Variants in CHRM5 observed in about 807,000 individuals in gnomAD.
CHRM5 encodes cholinergic receptor muscarinic 5, also known as muscarinic acetylcholine receptor M5.
CHRM5 carries 18 observed loss-of-function variants against 39.0 expected under a neutral mutation model. The ratio of observed to expected loss-of-function variants is 0.46; its 90% confidence interval spans 0.32 to 0.68. CHRM5 has a LOEUF of 0.68. CHRM5 is among the 30% of genes least tolerant of loss of function. The pLI, the probability that CHRM5 is intolerant of heterozygous loss-of-function variation, is 0.04. For missense variants in CHRM5, 515 were observed against 651.1 expected (o/e 0.79, Z 2.28); for synonymous variants, 241 against 246.3 (o/e 0.98, Z 0.20).
At chr15:34,058,864 T>C (rs2140840322) in intron 2 of CHRM5, among the ~76,000 whole-genome samples, 1 of 152,294 alleles carries the variant, frequency 6.6e-6, no homozygotes, top group East Asian at 1.9e-4. Flanking sequence ...GAAATGTAGG[T>C]ATGTTAGTTC....
In CHRM5 at chr15:34,067,374, G is replaced by A. The variant is rs1210347989; in HGVS notation, c.*3058G>A. 1.3e-5 allele frequency: 2 copies of A among 152,162 alleles called. No individual in the cohort carries two copies. Among genetic ancestry groups the A allele is most frequent in the African/African-American group, 2.4e-5 (1 of 41,426 alleles). The allele number at this position is 152,162 out of a possible 1,614,324, so 9.4% of individuals were successfully genotyped here. ...TCTCCAGTTGTCTACTGTAAATACT[G>A]GAATTACAGCAAAGGATATGGGGAC... is the stretch of plus-strand genomic sequence containing the variant. On this transcript the variant is annotated 3_prime_UTR_variant, in exon 3 of 3. Transcript: ENST00000383263.
intron 1 of CHRM5, among the ~76,000 whole-genome samples, chr15:33,988,447 C>A (rs778359240): frequency 1.0e-3 from 154 of 152,252 alleles, no homozygotes; most frequent in Non-Finnish European, 1.4e-3. Context: ...ATGAAACCTA[C>A]CCTATTAAGT....
intron 1 of CHRM5, among the ~76,000 whole-genome samples, chr15:34,022,836 C>T (rs1286264277): frequency 1.3e-5 from 2 of 152,332 alleles, no homozygotes; most frequent in Non-Finnish European, 2.9e-5. Flanking sequence ...TTTTTGCTAC[C>T]TCTGTACCAC....
At chr15:33,993,328 G>C (rs868778965) in intron 1 of CHRM5, among the ~76,000 whole-genome samples, 1 of 152,182 alleles carries the variant, frequency 6.6e-6, no homozygotes, top group Non-Finnish European at 1.5e-5. Flanking sequence ...AACAGAAAGA[G>C]TTCTACAAAG....
chr15:34,058,555 AACACAC>A (rs3027963), intron 2 of CHRM5, among the ~76,000 whole-genome samples: 2,340 of 143,274 alleles, frequency 0.016, 25 homozygotes, highest in Non-Finnish European at 0.026. Context: ...CTTTAATTCT[AACACAC>A]ACACACACAC....
rs1896494452 is a variant in CHRM5 at position 33,986,804 on chromosome 15, G to A, written c.-408+17654G>A. Among the ~76,000 whole-genome samples, 3 of 151,422 alleles carry A rather than the reference G, an allele frequency of 2.0e-5. No homozygotes were observed. The South Asian group carries it at 6.6e-4, about 33-fold the overall frequency. The stretch of plus-strand genomic sequence containing the variant: ...CCCGAGTAGCTGGGACTACAGGCAC[G>A]TGCCACCATGCCCAGCTAATTGTTT... On this transcript the variant is annotated intron_variant, in intron 1 of 2. Transcript: ENST00000383263.
At chr15:33,991,495 AAAAT>A (rs1426556139) in intron 1 of CHRM5, 2 of 141,330 alleles carry the variant, frequency 1.4e-5, no homozygotes, top group Non-Finnish European at 3.0e-5. Flanking sequence ...CGGACCCACA[AAAAT>A]AAACTTTAAA....
intron 1 of CHRM5, among the ~76,000 whole-genome samples, chr15:34,028,971 G>C (rs890558789): frequency 6.6e-6 from 1 of 152,096 alleles, no homozygotes; most frequent in Non-Finnish European, 1.5e-5. Context: ...TTATATCTTA[G>C]TTATTCATTT....
At chr15:33,983,160 A>G (rs11633066) in intron 1 of CHRM5, among the ~76,000 whole-genome samples, 1,845 of 64,510 alleles carry the variant, frequency 0.029, 45 homozygotes, top group African/African-American at 0.14. Context: ...GTGTGTGTGT[A>G]TGTGTGTGTG....
intron 1 of CHRM5, among the ~76,000 whole-genome samples, chr15:33,993,209 A>C (rs1380996264): frequency 6.6e-6 from 1 of 152,226 alleles, no homozygotes; most frequent in African/African-American, 2.4e-5. Context: ...TTTACGTTTG[A>C]AGGTAAGAGT....
chr15:34,001,074 G>A (rs1175344830), intron 1 of CHRM5, among the ~76,000 whole-genome samples: 1 of 148,530 alleles, frequency 6.7e-6, no homozygotes, highest in Non-Finnish European at 1.5e-5. Flanking sequence ...AGGCTGGAGT[G>A]CAGTGGTACG....
At chr15:33,993,328 G>A (rs868778965) in intron 1 of CHRM5, among the ~76,000 whole-genome samples, 2 of 152,182 alleles carry the variant, frequency 1.3e-5, no homozygotes, top group East Asian at 1.9e-4. Flanking sequence ...AACAGAAAGA[G>A]TTCTACAAAG....
At position 34,058,936 on chromosome 15, in the gene CHRM5, G is replaced by T. The variant is rs896382544; in HGVS notation, c.-75-3707G>T. Reference sequence around the variant, plus strand: ...TTTTGAAACAGAGTCTCACTCTGTCGCCCAGGCTGGAATGCAGTGGCAAGA... The same window carrying T: ...TTTTGAAACAGAGTCTCACTCTGTCTCCCAGGCTGGAATGCAGTGGCAAGA... On this transcript the variant is annotated intron_variant, in intron 2 of 2. Coordinates refer to ENST00000383263, the MANE Select transcript of CHRM5 (RefSeq NM_012125.4). 2.0e-4 allele frequency among the ~76,000 whole-genome samples: 30 copies of T among 151,782 alleles called. 1 individual carries two copies. Among genetic ancestry groups the T allele is most frequent in the Non-Finnish European group, 5.9e-5 (4 of 67,946 alleles).
intron 1 of CHRM5, among the ~76,000 whole-genome samples, chr15:34,014,973 C>G (rs949274163): frequency 1.3e-5 from 2 of 152,082 alleles, no homozygotes; most frequent in African/African-American, 4.8e-5. Context: ...ATTTGAGAAG[C>G]AGGGACCATC....
intron 1 of CHRM5, among the ~76,000 whole-genome samples, chr15:34,014,367 T>TAA (rs1171463772): frequency 0.17 from 2,313 of 13,442 alleles, 481 homozygotes; most frequent in African/African-American, 0.3. Context: ...TCCATCTCAT[T>TAA]AAAAAAAAAA....
chr15:34,058,555 AACAC>A (rs3027963), intron 2 of CHRM5, among the ~76,000 whole-genome samples: 2,502 of 143,268 alleles, frequency 0.017, 54 homozygotes, highest in African/African-American at 0.052. Context: ...CTTTAATTCT[AACAC>A]ACACACACAC....
chr15:34,015,210 G>A (rs909493119), intron 1 of CHRM5, among the ~76,000 whole-genome samples: 7 of 152,128 alleles, frequency 4.6e-5, no homozygotes, highest in African/African-American at 1.7e-4. Flanking sequence ...TAGGCCGGGC[G>A]CAGTGGCTCA....
intron 1 of CHRM5, among the ~76,000 whole-genome samples, chr15:34,033,466 A>G (rs1898959059): frequency 6.6e-6 from 1 of 151,882 alleles, no homozygotes; most frequent in South Asian, 2.1e-4. Flanking sequence ...AGATCGTGCC[A>G]CTGCACTCCA....
At chr15:33,970,991 G>T (rs1895614400) in intron 1 of CHRM5, among the ~76,000 whole-genome samples, 1 of 151,802 alleles carries the variant, frequency 6.6e-6, no homozygotes, top group Admixed American at 6.6e-5. Flanking sequence ...ATTCAGAAAA[G>T]TGATTACTGA....
Sources: gnomAD v4.1 joint callset for allele counts (sites outside exome capture counted in the v4.1 genomes callset) on GRCh38, gnomAD v4.1.1 for gene constraint, MANE v1.5 for transcripts, NCBI Gene and HGNC (gene_info 2026-07-23, HGNC 2026-07-21) for gene names.